PRKCE: variants seen among roughly 807,000 people sequenced by gnomAD.
PRKCE encodes protein kinase C epsilon, also known as protein kinase C epsilon type.
Under a neutral mutation model 85.4 loss-of-function variants are expected in PRKCE, and 16 were observed. That is an observed-to-expected ratio of 0.19 (90% CI 0.13 to 0.28). PRKCE has a LOEUF of 0.28. PRKCE is among the 10% of genes least tolerant of loss of function. The pLI is 1.00. For missense variants in PRKCE, 573 were observed against 975.2 expected (o/e 0.59, Z 5.49); for synonymous variants, 388 against 371.5 (o/e 1.04, Z -0.51).
chr2:46,007,450 C>A lies in PRKCE; in HGVS notation c.1064-12C>A, dbSNP rs749707081. 6.3e-7 allele frequency: 1 copy of A among 1,599,582 alleles called. No homozygotes were observed. Among genetic ancestry groups the A allele is most frequent in the Non-Finnish European group, 8.5e-7 (1 of 1,179,800 alleles). On this transcript the variant is annotated splice_polypyrimidine_tract_variant and intron_variant, in intron 8 of 14. Transcript: ENST00000306156. ...ATGCACTAATGCAATTTCTTGTTCC[C>A]CTTGGCCCTAGAAATAAAAGAACTT...
chr2:45,810,471 G>A (rs1158921995), intron 1 of PRKCE, among the ~76,000 whole-genome samples: 1 of 152,174 alleles, frequency 6.6e-6, no homozygotes. Context: ...TTCAAAGAAG[G>A]ACTAAATATA....
At chr2:45,799,546 G>A (rs1400911613) in intron 1 of PRKCE, among the ~76,000 whole-genome samples, 4 of 152,224 alleles carry the variant, frequency 2.6e-5, no homozygotes, top group South Asian at 2.1e-4. Flanking sequence ...CCTGGGCAAC[G>A]TAGCAAGACC....
chr2:45,870,664 C>T (rs1252710790), intron 2 of PRKCE, among the ~76,000 whole-genome samples: 1 of 152,080 alleles, frequency 6.6e-6, no homozygotes, highest in East Asian at 1.9e-4. Context: ...GCCTCGTGGT[C>T]AAGGGTGTAG....
Position 46,139,002 on chromosome 2 carries a change from C to T in PRKCE, c.1593-6091C>T, listed in dbSNP as rs1162153374. On this transcript the variant is annotated intron_variant, in intron 11 of 14. Coordinates refer to ENST00000306156, the MANE Select transcript of PRKCE (RefSeq NM_005400.3). The surrounding 1 kb of genome is among the most constrained non-coding windows in gnomAD (Gnocchi z 5.2). ...GGAAGTGGGGTTCCATGGAAGTTCTCGTAAGTCTTCAGTCGAGTGGAGAGT... is the reference window on the plus strand; with the variant it reads ...GGAAGTGGGGTTCCATGGAAGTTCTTGTAAGTCTTCAGTCGAGTGGAGAGT... 2.0e-5 allele frequency among the ~76,000 whole-genome samples: 3 copies of T among 152,106 alleles called. No homozygotes were observed. The highest frequency in any genetic ancestry group is 4.4e-5 in the Non-Finnish European group (3 of 68,022).
At chr2:45,686,053 G>A (rs598163) in intron 1 of PRKCE, among the ~76,000 whole-genome samples, 120,034 of 152,058 alleles carry the variant, frequency 0.79, 47,534 homozygotes, top group African/African-American at 0.85. Flanking sequence ...GGATCTTAGT[G>A]CCTTATCTTG....
intron 3 of PRKCE, among the ~76,000 whole-genome samples, chr2:45,977,352 C>G (rs1702534493): frequency 6.6e-6 from 1 of 152,010 alleles, no homozygotes; most frequent in African/African-American, 2.4e-5. Flanking sequence ...GGAAGGAGGC[C>G]AGGCACAAGT....
intron 1 of PRKCE, among the ~76,000 whole-genome samples, chr2:45,701,723 T>C (rs936615629): frequency 3.9e-5 from 6 of 152,214 alleles, no homozygotes; most frequent in Admixed American, 1.3e-4. Context: ...AAACAGAATT[T>C]TTCCTGGTGC....
chr2:46,080,911 A>G (rs1284829445), intron 10 of PRKCE, among the ~76,000 whole-genome samples: 1 of 152,026 alleles, frequency 6.6e-6, no homozygotes, highest in African/African-American at 2.4e-5. Flanking sequence ...ACACAGGCTC[A>G]CGGCAGCAGG....
At position 45,980,312 on chromosome 2, in the gene PRKCE, C is replaced by A. The variant is rs1246307858; in HGVS notation, c.624C>A (p.Val208=). 1 of 1,599,634 alleles carries A rather than the reference C, an allele frequency of 6.3e-7. No individual in the cohort carries two copies. Among genetic ancestry groups the A allele is most frequent in the Admixed American group, 1.7e-5 (1 of 60,022 alleles). The change falls in exon 5 of 15, where the codon GTC becomes GTA. Residue 208 remains valine (V), a synonymous_variant. Transcript: ENST00000306156. The part of the protein sequence containing the change: ...GYQCQVCTCV[V]HKRCHELIIT... The stretch of plus-strand genomic sequence containing the variant: ...TATTTGCAGTCTGCACCTGCGTGGT[C>A]CACAAGCGGTGCCACGAGCTCATAA...
intron 2 of PRKCE, among the ~76,000 whole-genome samples, chr2:45,927,856 T>C (rs1284562445): frequency 6.6e-6 from 1 of 152,094 alleles, no homozygotes; most frequent in African/African-American, 2.4e-5. Flanking sequence ...TTTCAAATAG[T>C]CTTTGAGATA....
At chr2:46,059,206 TG>T (rs1247362291) in intron 10 of PRKCE, among the ~76,000 whole-genome samples, 12 of 152,104 alleles carry the variant, frequency 7.9e-5, no homozygotes, top group Middle Eastern at 3.4e-3. Flanking sequence ...CAGTGAGCCA[TG>T]AGCCCAGGAG....
At chr2:46,157,718 A>G (rs377584849) in intron 13 of PRKCE, among the ~76,000 whole-genome samples, 25 of 152,328 alleles carry the variant, frequency 1.6e-4, no homozygotes, top group East Asian at 9.6e-4. Flanking sequence ...CCAAACCTCT[A>G]TGTGTATCCC....
chr2:46,079,945 T>C (rs527636854), intron 10 of PRKCE, among the ~76,000 whole-genome samples: 1 of 152,346 alleles, frequency 6.6e-6, no homozygotes, highest in Admixed American at 6.5e-5. Flanking sequence ...ATAATCTCTT[T>C]CCTAATTTTA....
chr2:45,893,855 T>C (rs887955061), intron 2 of PRKCE, among the ~76,000 whole-genome samples: 12 of 152,158 alleles, frequency 7.9e-5, no homozygotes, highest in African/African-American at 2.7e-4. Flanking sequence ...CTTTGTATGC[T>C]GGAGGGCTCT....
Position 46,184,549 on chromosome 2 carries a change from G to A in PRKCE, c.2068-186G>A, listed in dbSNP as rs763459026. ...ACCTTGACTCATTCTTCCTCTCCTC[G>A]TCTCTCACCTCCGGGTCCTGGGGCC... is the stretch of plus-strand genomic sequence containing the variant. On this transcript the variant is annotated intron_variant, in intron 14 of 14. Transcript: ENST00000306156. This position sits in a 1 kb window ranked among gnomAD's most constrained non-coding sequence, Gnocchi z 5.0. Among the ~76,000 whole-genome samples the A allele has an allele frequency of 2.6e-5, 4 of 151,316 alleles. No individual in the cohort carries two copies. Among genetic ancestry groups the A allele is most frequent in the African/African-American group, 9.7e-5 (4 of 41,084 alleles).
At chr2:45,843,526 C>G (rs565271490) in intron 2 of PRKCE, among the ~76,000 whole-genome samples, 2 of 152,228 alleles carry the variant, frequency 1.3e-5, no homozygotes, top group African/African-American at 4.8e-5. Context: ...AAAAGCTCTG[C>G]TCTTAAAGAG....
At chr2:46,055,662 T>C (rs1482305879) in intron 10 of PRKCE, among the ~76,000 whole-genome samples, 1 of 151,192 alleles carries the variant, frequency 6.6e-6, no homozygotes, top group African/African-American at 2.4e-5. Flanking sequence ...AAATGCTAAG[T>C]CTAATTTTTT....
intron 2 of PRKCE, among the ~76,000 whole-genome samples, chr2:45,849,379 C>T (rs534547944): frequency 7.2e-5 from 11 of 152,292 alleles, no homozygotes; most frequent in Middle Eastern, 3.4e-3. Flanking sequence ...TCTCGCTTAG[C>T]AACCTCATAG....
At chr2:45,695,934 C>A (rs1268446128) in intron 1 of PRKCE, among the ~76,000 whole-genome samples, 2 of 152,078 alleles carry the variant, frequency 1.3e-5, no homozygotes, top group Admixed American at 6.6e-5. Context: ...TAAAATTTTT[C>A]TTTTTTTATT....
Sources: gnomAD v4.1 joint callset for allele counts (sites outside exome capture counted in the v4.1 genomes callset) on GRCh38, gnomAD v4.1.1 for gene constraint, Gnocchi (gnomAD v3.1) non-coding constraint, MANE v1.5 for transcripts, NCBI Gene and HGNC (gene_info 2026-07-23, HGNC 2026-07-21) for gene names.